The following PRKN variants were observed in gnomAD, a reference collection of about 807,000 sequenced individuals.
The protein encoded by PRKN is E3 ubiquitin-protein ligase parkin.
A neutral mutation model predicts 59.5 loss-of-function variants in PRKN; 56 were observed. That is an observed-to-expected ratio of 0.94 (90% confidence interval 0.76 to 1.18). The LOEUF is 1.18. Among genes scored for constraint, PRKN ranks in the 50% most tolerant of loss-of-function variants. The pLI is 0.00. For synonymous variants in PRKN, 250 were observed against 222.1 expected, an observed-to-expected ratio of 1.13 and a Z score of -1.12; for missense variants, 657 against 596.4, an observed-to-expected ratio of 1.10 and a Z score of -1.06.
intron 7 of PRKN, among the ~76,000 whole-genome samples, chr6:161,634,449 C>G (rs1199272389): frequency 6.6e-6 from 1 of 152,206 alleles, no homozygotes; most frequent in Admixed American, 6.5e-5. Flanking sequence ...ATCTTACAGA[C>G]AAGAAAGTGT....
At chr6:162,060,534 T>C (rs1778057919) in intron 4 of PRKN, among the ~76,000 whole-genome samples, 1 of 152,354 alleles carries the variant, frequency 6.6e-6, no homozygotes, top group African/African-American at 2.4e-5. Context: ...AAATTTATTT[T>C]CAAAAGTTCT....
intron 4 of PRKN, among the ~76,000 whole-genome samples, chr6:162,083,188 C>A (rs1158572469): frequency 6.6e-6 from 1 of 151,906 alleles, no homozygotes; most frequent in East Asian, 1.9e-4. Context: ...CTCCTGACCT[C>A]AGGTGATCCA....
intron 1 of PRKN, among the ~76,000 whole-genome samples, chr6:162,501,229 G>A (rs1255537450): frequency 6.6e-6 from 1 of 152,092 alleles, no homozygotes; most frequent in Non-Finnish European, 1.5e-5. Context: ...TTCTAAACTA[G>A]TGGAGTTTGG....
intron 3 of PRKN, among the ~76,000 whole-genome samples, chr6:162,203,431 G>A (rs896581906): frequency 6.6e-6 from 1 of 152,088 alleles, no homozygotes; most frequent in Non-Finnish European, 1.5e-5. Flanking sequence ...CAAGCTGTTG[G>A]CTCCACTTGG....
chr6:161,874,083 A>T (rs867515848), intron 6 of PRKN, among the ~76,000 whole-genome samples: 1 of 44,566 alleles, frequency 2.2e-5, no homozygotes, highest in Non-Finnish European at 4.8e-5. Context: ...TTATATGTAA[A>T]ATATAATATA....
intron 1 of PRKN, among the ~76,000 whole-genome samples, chr6:162,712,311 C>T (rs140391728): frequency 6.6e-6 from 1 of 152,292 alleles, no homozygotes; most frequent in Non-Finnish European, 1.5e-5. Context: ...TGGGCCACTT[C>T]TCAGGACTGT....
At chr6:162,168,504 T>C (rs374828469) in intron 4 of PRKN, among the ~76,000 whole-genome samples, 30 of 132,872 alleles carry the variant, frequency 2.3e-4, no homozygotes, top group East Asian at 1.5e-3. Flanking sequence ...AGGGGAATTA[T>C]GACATTTGTA....
intron 6 of PRKN, among the ~76,000 whole-genome samples, chr6:161,923,549 CTG>C (rs1562393042): frequency 6.6e-6 from 1 of 152,026 alleles, no homozygotes; most frequent in African/African-American, 2.4e-5. Flanking sequence ...GTACAAAAAA[CTG>C]TTCTTCACCT....
At position 162,585,974 on chromosome 6, in the gene PRKN, G is replaced by T. The variant is rs528856693; in HGVS notation, c.7+141688C>A. Among the ~76,000 whole-genome samples the T allele has an allele frequency of 5.3e-5, 8 of 152,162 alleles. No individual in the cohort carries two copies. In the South Asian group the frequency reaches 1.0e-3, roughly 20 times the overall value. On this transcript the variant is annotated intron_variant, in intron 1 of 11. Coordinates refer to ENST00000366898, the MANE Select transcript of PRKN (RefSeq NM_004562.3). ...CCCGCCTCGGCCTCCCAAAGTGATG[G>T]GATTACAGGCATGAGCCACCACGCC... is the stretch of plus-strand genomic sequence containing the variant.
At chr6:162,282,573 C>G (rs1457673918) in intron 2 of PRKN, among the ~76,000 whole-genome samples, 1 of 152,164 alleles carries the variant, frequency 6.6e-6, no homozygotes, top group Non-Finnish European at 1.5e-5. Flanking sequence ...TCCTTTGCAA[C>G]CACAGTAAAA....
intron 6 of PRKN, among the ~76,000 whole-genome samples, chr6:161,816,549 AG>A (rs1403328355): frequency 1.3e-5 from 2 of 152,152 alleles, no homozygotes; most frequent in African/African-American, 2.4e-5. Flanking sequence ...CACAGAAAAA[AG>A]GTTTAAGAAT....
At chr6:161,655,895 C>T (rs1308571413) in intron 7 of PRKN, among the ~76,000 whole-genome samples, 3 of 62,912 alleles carry the variant, frequency 4.8e-5, no homozygotes, top group Non-Finnish European at 1.1e-4. Context: ...TACACACACA[C>T]ACACACACAC....
At chr6:162,135,655 A>G (rs781049123) in intron 4 of PRKN, among the ~76,000 whole-genome samples, 5 of 152,030 alleles carry the variant, frequency 3.3e-5, no homozygotes, top group Non-Finnish European at 7.4e-5. Context: ...CGTCAGTGAC[A>G]GTGTGTGTAG....
At chr6:162,430,594 TA>T (rs1206126656) in intron 2 of PRKN, among the ~76,000 whole-genome samples, 1 of 151,928 alleles carries the variant, frequency 6.6e-6, no homozygotes, top group Non-Finnish European at 1.5e-5. Context: ...CATATATATA[TA>T]TATATCTTGT....
rs75907418 is a variant in PRKN at position 161,547,557 on chromosome 6, A to G, written c.1083+1297T>C. 9.3e-3 allele frequency among the ~76,000 whole-genome samples: 1,415 copies of G among 152,362 alleles called. 11 individuals carry two copies. Among genetic ancestry groups the G allele is most frequent in the Admixed American group, 0.015 (236 of 15,302 alleles). On this transcript the variant is annotated intron_variant, in intron 9 of 11. Transcript: ENST00000366898. This position sits in a 1 kb window ranked among gnomAD's most constrained non-coding sequence, Gnocchi z 4.0. ...AAATCTTAAAATCCAGCTTTAGAGGATGGAACCACAGTAGGCAATTAGCAG... is the reference window on the plus strand; with the variant it reads ...AAATCTTAAAATCCAGCTTTAGAGGGTGGAACCACAGTAGGCAATTAGCAG...
intron 7 of PRKN, among the ~76,000 whole-genome samples, chr6:161,626,645 G>C (rs1051401310): frequency 6.6e-6 from 1 of 152,092 alleles, no homozygotes; most frequent in Non-Finnish European, 1.5e-5. Flanking sequence ...CACCACTCTT[G>C]GGTCAGACCC....
chr6:161,827,414 G>T (rs1464937025), intron 6 of PRKN, among the ~76,000 whole-genome samples: 1 of 151,792 alleles, frequency 6.6e-6, no homozygotes, highest in African/African-American at 2.4e-5. Context: ...GAGGATACAT[G>T]TATCTATATA....
Position 161,771,372 on chromosome 6 carries a change from T to TA in PRKN, c.871+14399dup, listed in dbSNP as rs1369846717. Reference sequence around the variant, plus strand: ...CTCCACCTCAAAAAAAAAAAAAAAATAAAATAAAATAAAATAAAATAAAAT... The same window carrying TA: ...CTCCACCTCAAAAAAAAAAAAAAAATAAAAATAAAATAAAATAAAATAAAAT... On this transcript the variant is annotated intron_variant, in intron 7 of 11. Coordinates refer to ENST00000366898, the MANE Select transcript of PRKN (RefSeq NM_004562.3). Among the ~76,000 whole-genome samples, 92 of 36,960 alleles carry TA rather than the reference T, an allele frequency of 2.5e-3. 7 individuals carry two copies. The highest frequency in any genetic ancestry group is 6.2e-3 in the African/African-American group (85 of 13,814). 24.2% of individuals were successfully genotyped at this position (36,960 alleles called of 152,430 possible).
rs1262672707 is a variant in PRKN at position 161,584,172 on chromosome 6, T to C, written c.872-14756A>G. On this transcript the variant is annotated intron_variant, in intron 7 of 11. Coordinates refer to ENST00000366898, the MANE Select transcript of PRKN (RefSeq NM_004562.3). This position sits in a 1 kb window ranked among gnomAD's most constrained non-coding sequence, Gnocchi z 4.8. Reference sequence around the variant, plus strand: ...TCCACTCTGAAAGAAATGAGAACCGTTTTTGCATTTCACCTTAATCAGATC... The same window carrying C: ...TCCACTCTGAAAGAAATGAGAACCGCTTTTGCATTTCACCTTAATCAGATC... 2.0e-5 allele frequency among the ~76,000 whole-genome samples: 3 copies of C among 152,128 alleles called. No individual in the cohort carries two copies.
Sources: allele counts gnomAD v4.1 joint callset (sites outside exome capture counted in the v4.1 genomes callset), GRCh38; gene constraint gnomAD v4.1.1; non-coding constraint Gnocchi (gnomAD v3.1); transcripts MANE v1.5; gene names NCBI Gene and HGNC (gene_info 2026-07-23, HGNC 2026-07-21).